CAMK1D: variants seen among roughly 807,000 people sequenced by gnomAD.
CAMK1D encodes the protein calcium/calmodulin dependent protein kinase ID.
In CAMK1D, 9 loss-of-function variants were observed where a neutral mutation model predicts 47.7. That is an observed-to-expected ratio of 0.19 (90% CI 0.11 to 0.33). The LOEUF is 0.33. Ranked by LOEUF, CAMK1D falls within the 10% of genes least tolerant of loss-of-function variation. CAMK1D has a pLI of 1.00. For synonymous variants in CAMK1D, 184 were observed against 184.9 expected, an observed-to-expected ratio of 0.99 and a Z score of 0.04; for missense variants, 291 against 488.7, an observed-to-expected ratio of 0.60 and a Z score of 3.81.
chr10:12,366,718 C>T (rs569234882), intron 1 of CAMK1D, among the ~76,000 whole-genome samples: 65 of 151,094 alleles, frequency 4.3e-4, no homozygotes, highest in Non-Finnish European at 7.4e-4. Flanking sequence ...AGTCATTCTG[C>T]GGGGTGGGTG....
rs141793439 is a variant in CAMK1D at position 12,825,560 on chromosome 10, T to C, written c.922-13T>C. 3.9e-5 allele frequency: 63 copies of C among 1,603,500 alleles called. No individual in the cohort carries two copies. The highest frequency in any genetic ancestry group is 1.2e-4 in the African/African-American group (9 of 74,380). On this transcript the variant is annotated splice_polypyrimidine_tract_variant and intron_variant, in intron 9 of 10. Coordinates refer to ENST00000619168, the MANE Select transcript of CAMK1D (RefSeq NM_153498.4). ...GAAATATTTGTCTGCTTTTTTCCTTTCTGAAATTTCAGCAAGCATTTAATG... is the reference window on the plus strand; with the variant it reads ...GAAATATTTGTCTGCTTTTTTCCTTCCTGAAATTTCAGCAAGCATTTAATG...
intron 3 of CAMK1D, among the ~76,000 whole-genome samples, chr10:12,690,377 C>T (rs1054775910): frequency 2.6e-5 from 4 of 152,066 alleles, no homozygotes; most frequent in African/African-American, 9.7e-5. Context: ...GACGCAGCCT[C>T]CAGTGTAAAA....
chr10:12,419,032 A>G (rs891408204), intron 1 of CAMK1D, among the ~76,000 whole-genome samples: 1 of 152,132 alleles, frequency 6.6e-6, no homozygotes, highest in Non-Finnish European at 1.5e-5. Context: ...TTCCCTATTG[A>G]ATGAACTTCC....
intron 3 of CAMK1D, among the ~76,000 whole-genome samples, chr10:12,717,121 T>G (rs1182187032): frequency 6.6e-6 from 1 of 152,248 alleles, no homozygotes; most frequent in Non-Finnish European, 1.5e-5. Context: ...GCAGACATAA[T>G]ATCTTTTTAA....
At chr10:12,635,067 C>T (rs1213786332) in intron 2 of CAMK1D, among the ~76,000 whole-genome samples, 2 of 152,102 alleles carry the variant, frequency 1.3e-5, no homozygotes, top group Non-Finnish European at 2.9e-5. Flanking sequence ...AGTGGAGGGG[C>T]AGGGACAGTG....
At chr10:12,628,080 C>CAAAA (rs1248686635) in intron 2 of CAMK1D, among the ~76,000 whole-genome samples, 2 of 81,552 alleles carry the variant, frequency 2.5e-5, no homozygotes, top group African/African-American at 3.8e-5. Flanking sequence ...GACTCTGTCT[C>CAAAA]AAAAAAAAAC....
At chr10:12,638,831 G>A (rs943254601) in intron 2 of CAMK1D, among the ~76,000 whole-genome samples, 1 of 152,160 alleles carries the variant, frequency 6.6e-6, no homozygotes, top group Non-Finnish European at 1.5e-5. Context: ...GAGGGGGTGA[G>A]GTTCCCCATC....
chr10:12,617,428 C>G (rs991331778), intron 2 of CAMK1D, among the ~76,000 whole-genome samples: 2 of 152,136 alleles, frequency 1.3e-5, no homozygotes, highest in Admixed American at 6.6e-5. Context: ...CTTCTTGCTC[C>G]CAGAATAAAT....
intron 1 of CAMK1D, among the ~76,000 whole-genome samples, chr10:12,367,304 C>T (rs1385357573): frequency 6.6e-6 from 1 of 151,974 alleles, no homozygotes; most frequent in East Asian, 1.9e-4. Context: ...AGAACACAGT[C>T]TTTGGAAATT....
intron 1 of CAMK1D, among the ~76,000 whole-genome samples, chr10:12,460,746 T>C (rs568582229): frequency 2.0e-5 from 3 of 152,206 alleles, no homozygotes; most frequent in African/African-American, 7.2e-5. Context: ...TTTTTAATTT[T>C]TGTGGAGATG....
chr10:12,386,769 T>C (rs1300430641), intron 1 of CAMK1D, among the ~76,000 whole-genome samples: 2 of 152,226 alleles, frequency 1.3e-5, no homozygotes, highest in African/African-American at 2.4e-5. Context: ...AATTTTCTCC[T>C]TCTTGCCTTG....
intron 3 of CAMK1D, among the ~76,000 whole-genome samples, chr10:12,722,612 C>G (rs1834444289): frequency 6.6e-6 from 1 of 152,124 alleles, no homozygotes; most frequent in Admixed American, 6.6e-5. Flanking sequence ...GAATTCTTAG[C>G]CAAACACTGG....
At chr10:12,798,341 G>A (rs1340872249) in intron 6 of CAMK1D, among the ~76,000 whole-genome samples, 1 of 152,200 alleles carries the variant, frequency 6.6e-6, no homozygotes, top group Non-Finnish European at 1.5e-5. Context: ...GCAGTGTGAT[G>A]GGGATGCAGA....
chr10:12,692,933 T>A (rs1456698152), intron 3 of CAMK1D, among the ~76,000 whole-genome samples: 1 of 152,216 alleles, frequency 6.6e-6, no homozygotes, highest in Non-Finnish European at 1.5e-5. Context: ...AAAATGTGGC[T>A]GAGGTATGGT....
At chr10:12,615,936 G>C (rs1838790989) in intron 2 of CAMK1D, among the ~76,000 whole-genome samples, 1 of 151,596 alleles carries the variant, frequency 6.6e-6, no homozygotes, top group African/African-American at 2.4e-5. Context: ...ATGTGTGTTT[G>C]CAAGTGTGTT....
intron 1 of CAMK1D, among the ~76,000 whole-genome samples, chr10:12,481,165 G>A (rs984774633): frequency 6.6e-6 from 1 of 152,158 alleles, no homozygotes; most frequent in African/African-American, 2.4e-5. Flanking sequence ...CACAAGATTT[G>A]CAACTTCCCC....
chr10:12,413,542 T>G (rs2131948753), intron 1 of CAMK1D, among the ~76,000 whole-genome samples: 2 of 139,422 alleles, frequency 1.4e-5, no homozygotes, highest in Non-Finnish European at 3.1e-5. Flanking sequence ...TGATGATGAG[T>G]ATGATGGTGA....
At chr10:12,524,684 G>A (rs1207138596) in intron 1 of CAMK1D, among the ~76,000 whole-genome samples, 2 of 151,898 alleles carry the variant, frequency 1.3e-5, no homozygotes, top group Non-Finnish European at 2.9e-5. Context: ...TCCAGCCTGG[G>A]CGACAGAGTG....
intron 3 of CAMK1D, among the ~76,000 whole-genome samples, chr10:12,693,336 G>C (rs1403740735): frequency 1.3e-5 from 2 of 152,010 alleles, no homozygotes; most frequent in Admixed American, 1.3e-4. Flanking sequence ...CTGCACTCCA[G>C]CCTGGGCAAC....
Sources: allele counts gnomAD v4.1 joint callset (sites outside exome capture counted in the v4.1 genomes callset), GRCh38; gene constraint gnomAD v4.1.1; transcripts MANE v1.5; gene names NCBI Gene and HGNC (gene_info 2026-07-23, HGNC 2026-07-21).